TTYH2: variants seen among roughly 807,000 people sequenced by gnomAD.
TTYH2 encodes tweety family member 2, also known as protein tweety homolog 2.
A neutral mutation model predicts 68.3 loss-of-function variants in TTYH2; 49 were observed. That is an observed-to-expected ratio of 0.72 (90% CI 0.57 to 0.91). The LOEUF is 0.91. Among genes scored for constraint, TTYH2 ranks in the 40% least tolerant of loss-of-function variants. TTYH2 has a pLI of 0.00. For synonymous variants in TTYH2, 272 were observed against 300.8 expected (o/e 0.90, Z 0.99); for missense variants, 631 against 700.4 (o/e 0.90, Z 1.12).
rs116311673 is a variant in TTYH2, at chr17:74,217,383, A to G, written c.129+3667A>G. Among the ~76,000 whole-genome samples the G allele has an allele frequency of 1.3e-5, 2 of 152,298 alleles. No homozygotes were observed. The highest frequency in any genetic ancestry group is 2.4e-5 in the African/African-American group (1 of 41,560). ...GTTCTCTCATTGGTTGGTTCCGTTC[A>G]TAGATTCGCCAAAGTACAAAGTGGA... On this transcript the variant is annotated intron_variant, in intron 1 of 13. Coordinates refer to ENST00000269346, the MANE Select transcript of TTYH2 (RefSeq NM_032646.6). The surrounding 1 kb of genome is among the most constrained non-coding windows in gnomAD (Gnocchi z 4.0).
chr17:74,219,367 G>T (rs923058549), intron 1 of TTYH2, among the ~76,000 whole-genome samples: 1 of 126,386 alleles, frequency 7.9e-6, no homozygotes, highest in East Asian at 1.9e-4. Flanking sequence ...CCAGCCTGGC[G>T]ACAGAGCAAG....
intron 1 of TTYH2, among the ~76,000 whole-genome samples, chr17:74,219,984 G>A (rs879003683): frequency 6.6e-6 from 1 of 150,880 alleles, no homozygotes; most frequent in Non-Finnish European, 1.5e-5. Context: ...TTTTGGCTTG[G>A]TTGGGGTTTT....
At chr17:74,218,981 G>A (rs531927846) in intron 1 of TTYH2, among the ~76,000 whole-genome samples, 18 of 152,300 alleles carry the variant, frequency 1.2e-4, no homozygotes, top group African/African-American at 3.1e-4. Flanking sequence ...CGTAATCCCA[G>A]CACTTTGGGG....
At chr17:74,242,239 C>T (rs2050509439) in intron 4 of TTYH2, among the ~76,000 whole-genome samples, 1 of 152,140 alleles carries the variant, frequency 6.6e-6, no homozygotes, top group Admixed American at 6.6e-5. Context: ...TTGGAGGAGG[C>T]TGGAGGTCTG....
chr17:74,220,999 G>A (rs2050270375), intron 1 of TTYH2, among the ~76,000 whole-genome samples: 1 of 152,010 alleles, frequency 6.6e-6, no homozygotes, highest in Non-Finnish European at 1.5e-5. Context: ...TCCCTGTATT[G>A]CCCAGACTGG....
At position 74,230,930 on chromosome 17, in the gene TTYH2, C is replaced by T. The variant is rs771382583; in HGVS notation, c.345C>T (p.Asn115=). ...GTTTCTATGGAAACAGCGAGACCAA[C>T]GATGGGGCGTACCAGCTGATGTACT... The part of the protein sequence containing the change: ...GVGFYGNSET[N]DGAYQLMYSL... Residue 115 remains asparagine, a synonymous_variant, in exon 3 of 14, where the codon AAC becomes AAT. Coordinates refer to ENST00000269346, the MANE Select transcript of TTYH2 (RefSeq NM_032646.6). The T allele has an allele frequency of 6.8e-6, 11 of 1,614,096 alleles. No homozygotes were observed. Among genetic ancestry groups the T allele is most frequent in the East Asian group, 6.7e-5 (3 of 44,896 alleles).
At chr17:74,223,285 T>TGGGG (rs1555597190) in intron 2 of TTYH2, among the ~76,000 whole-genome samples, 1 of 117,734 alleles carries the variant, frequency 8.5e-6, no homozygotes, top group African/African-American at 3.5e-5. Context: ...GCTTTTTTTT[T>TGGGG]GGGGGGCGGG....
At chr17:74,225,965 A>G (rs2143727505) in intron 2 of TTYH2, among the ~76,000 whole-genome samples, 1 of 152,356 alleles carries the variant, frequency 6.6e-6, no homozygotes, top group South Asian at 2.1e-4. Context: ...GGCAGTGACC[A>G]GAGGGGAGTG....
chr17:74,215,697 G>A lies in TTYH2; in HGVS notation c.129+1981G>A, dbSNP rs1460662825. On this transcript the variant is annotated intron_variant, in intron 1 of 13. Coordinates refer to ENST00000269346, the MANE Select transcript of TTYH2 (RefSeq NM_032646.6). The surrounding 1 kb of genome is among the most constrained non-coding windows in gnomAD (Gnocchi z 4.3). ...AGTCTGGCTCTGGGTGTTATTTAAGGTGGCTCCTGTTTTTGGTAAGTTCCC... is the reference window on the plus strand; with the variant it reads ...AGTCTGGCTCTGGGTGTTATTTAAGATGGCTCCTGTTTTTGGTAAGTTCCC... The A allele has an allele frequency of 6.5e-7, 1 of 1,533,730 alleles. No individual in the cohort carries two copies. Among genetic ancestry groups the A allele is most frequent in the Non-Finnish European group, 8.7e-7 (1 of 1,146,900 alleles).
intron 2 of TTYH2, among the ~76,000 whole-genome samples, chr17:74,223,955 C>T (rs976173009): frequency 3.3e-5 from 5 of 152,316 alleles, no homozygotes; most frequent in South Asian, 4.1e-4. Context: ...GTGGGGCGGA[C>T]AAAGCTCTGA....
intron 7 of TTYH2, 46 bp from the exon 8 acceptor site, chr17:74,249,298 A>G (rs1182566822): frequency 8.1e-6 from 13 of 1,612,774 alleles, no homozygotes; most frequent in African/African-American, 4.0e-5. Context: ...TAGAGATCTC[A>G]TCTGGTCATT....
intron 2 of TTYH2, among the ~76,000 whole-genome samples, chr17:74,228,779 G>T (rs1041728111): frequency 1.3e-5 from 2 of 152,182 alleles, no homozygotes; most frequent in East Asian, 3.8e-4. Flanking sequence ...GACCCCTGCT[G>T]CGCTCAGAGC....
Position 74,222,216 on chromosome 17 carries a change from A to G in TTYH2, c.130-269A>G, listed in dbSNP as rs1174147394. On this transcript the variant is annotated intron_variant, in intron 1 of 13. Coordinates refer to ENST00000269346, the MANE Select transcript of TTYH2 (RefSeq NM_032646.6). The surrounding 1 kb of genome is among the most constrained non-coding windows in gnomAD (Gnocchi z 5.2). ...TCTTCATCCAGGGTCTGAACCAGAAACCGGAGACCAGCTCTGGCACCCCTC... is the reference window on the plus strand; with the variant it reads ...TCTTCATCCAGGGTCTGAACCAGAAGCCGGAGACCAGCTCTGGCACCCCTC... 6.6e-6 allele frequency among the ~76,000 whole-genome samples: 1 copy of G among 152,094 alleles called. No individual in the cohort carries two copies. Among genetic ancestry groups the G allele is most frequent in the African/African-American group, 2.4e-5 (1 of 41,394 alleles).
chr17:74,259,940 A>G (rs929504958), intron 13 of TTYH2, among the ~76,000 whole-genome samples, 189 bp from the exon 14 acceptor site: 32 of 152,128 alleles, frequency 2.1e-4, no homozygotes, highest in African/African-American at 7.7e-4. Context: ...ATTGGAGGAC[A>G]GCTGGTCTGT....
intron 2 of TTYH2, among the ~76,000 whole-genome samples, chr17:74,229,178 A>G (rs1399728302): frequency 1.3e-5 from 2 of 152,126 alleles, no homozygotes; most frequent in Non-Finnish European, 2.9e-5. Flanking sequence ...GAGGATGTCG[A>G]GAGAGTCCAC....
rs895873241 is a variant in TTYH2, at chr17:74,239,445, G to C, written c.635+1931G>C. Among the ~76,000 whole-genome samples the C allele has an allele frequency of 5.3e-5, 8 of 152,210 alleles. No homozygotes were observed. The highest frequency in any genetic ancestry group is 1.9e-4 in the African/African-American group (8 of 41,456). On this transcript the variant is annotated intron_variant, in intron 4 of 13. Coordinates refer to ENST00000269346, the MANE Select transcript of TTYH2 (RefSeq NM_032646.6). This position sits in a 1 kb window ranked among gnomAD's most constrained non-coding sequence, Gnocchi z 5.3. ...CTCTTCAAGCCATTGATGAACGTCA[G>C]AGCCTTTAGCTCAGGGTTGCACAAC...
intron 6 of TTYH2, 130 bp downstream of exon 6, chr17:74,244,179 A>G: frequency 2.3e-6 from 2 of 876,356 alleles, no homozygotes; most frequent in Non-Finnish European, 3.5e-6. Flanking sequence ...AACCAAAGGG[A>G]CTTGCGTCAT....
chr17:74,237,811 A>G (rs1213362787), intron 4 of TTYH2, among the ~76,000 whole-genome samples: 1 of 151,970 alleles, frequency 6.6e-6, no homozygotes, highest in Non-Finnish European at 1.5e-5. Flanking sequence ...TTGTATTTTT[A>G]GTAGAGACAG....
In TTYH2 at chr17:74,241,296, T is replaced by TGTGCGCGC. The variant is rs59096145; in HGVS notation, c.636-2077_636-2076insTGCGCGCG. The stretch of plus-strand genomic sequence containing the variant: ...GTGTGTGTGTGTGTGTGTGTGTGTG[T>TGTGCGCGC]GCGTGTAAAAATAAGAATGTGATCC... On this transcript the variant is annotated intron_variant, in intron 4 of 13. Transcript: ENST00000269346. This position sits in a 1 kb window ranked among gnomAD's most constrained non-coding sequence, Gnocchi z 4.1. Among the ~76,000 whole-genome samples the TGTGCGCGC allele has an allele frequency of 1.4e-4, 20 of 146,370 alleles. No homozygotes were observed. The highest frequency in any genetic ancestry group is 3.5e-3 in the Middle Eastern group (1 of 286).
Sources: allele counts gnomAD v4.1 joint callset (sites outside exome capture counted in the v4.1 genomes callset), GRCh38; gene constraint gnomAD v4.1.1; non-coding constraint Gnocchi (gnomAD v3.1); transcripts MANE v1.5; gene names NCBI Gene and HGNC (gene_info 2026-07-23, HGNC 2026-07-21).